Variants in NRG2 observed in about 807,000 individuals in gnomAD.
The protein encoded by NRG2 is neuregulin 2.
NRG2 carries 27 observed loss-of-function variants against 73.9 expected under a neutral mutation model. The observed-to-expected ratio is 0.37, with a 90% CI of 0.27 to 0.50. The LOEUF (loss-of-function observed/expected upper bound fraction) is 0.50. Among genes scored for constraint, NRG2 ranks in the 20% least tolerant of loss-of-function variants. The probability of loss-of-function intolerance (pLI) is 0.96; values close to 1 mark genes in which losing one functional copy is unlikely to be tolerated. For missense variants in NRG2, 1,126 were observed against 1,210.1 expected (o/e 0.93, Z 1.03); for synonymous variants, 532 against 541.0 (o/e 0.98, Z 0.23).
Position 139,853,088 on chromosome 5 carries a change from C to G in NRG2, c.1293-61G>C, listed in dbSNP as rs1761572171. Reference sequence around the variant, plus strand: ...CCCCACTCGCCAACGATGAACTTCCCTAGCTATCTCTCTAGGGAAACAGCT... The same window carrying G: ...CCCCACTCGCCAACGATGAACTTCCGTAGCTATCTCTCTAGGGAAACAGCT... On this transcript the variant is annotated intron_variant, in intron 6 of 9. Coordinates refer to ENST00000361474, the MANE Select transcript of NRG2 (RefSeq NM_004883.3). This position sits in a 1 kb window ranked among gnomAD's most constrained non-coding sequence, Gnocchi z 4.1. The G allele has an allele frequency of 1.9e-6, 3 of 1,603,856 alleles. No individual in the cohort carries two copies. The African/African-American group carries it at 4.0e-5, about 22-fold the overall frequency.
intron 3 of NRG2, among the ~76,000 whole-genome samples, chr5:139,872,651 G>A (rs928876124): frequency 6.6e-6 from 1 of 152,150 alleles, no homozygotes; most frequent in Non-Finnish European, 1.5e-5. Context: ...GGAAAGGGAA[G>A]GGGGCAGCTG....
chr5:139,899,031 C>T (rs1339758520), intron 1 of NRG2, among the ~76,000 whole-genome samples: 1 of 152,214 alleles, frequency 6.6e-6, no homozygotes, highest in African/African-American at 2.4e-5. Flanking sequence ...CTGTTCTGGG[C>T]CATCTCTTGC....
intron 1 of NRG2, among the ~76,000 whole-genome samples, chr5:139,950,332 A>G (rs916252804): frequency 7.2e-5 from 11 of 152,224 alleles, no homozygotes; most frequent in African/African-American, 2.7e-4. Flanking sequence ...GCTGGCATAC[A>G]GTGCTGGAAA....
chr5:139,933,084 G>A (rs1402445902), intron 1 of NRG2, among the ~76,000 whole-genome samples: 5 of 152,152 alleles, frequency 3.3e-5, no homozygotes, highest in Admixed American at 2.0e-4. Context: ...AGACCAGCCT[G>A]GCCAACATGG....
chr5:139,852,563 G>A lies in NRG2; in HGVS notation c.1417-4C>T. ...CTGGCACGTTCTTGGAAATATACTG[G>A]AACAGACAGAGTTGGGCGAGAGTTA... On this transcript the variant is annotated splice_polypyrimidine_tract_variant and splice_region_variant and intron_variant, in intron 7 of 9. Transcript: ENST00000361474. The surrounding 1 kb of genome is among the most constrained non-coding windows in gnomAD (Gnocchi z 4.4). 1 of 1,613,300 alleles carries A rather than the reference G, an allele frequency of 6.2e-7. No individual in the cohort carries two copies. Among genetic ancestry groups the A allele is most frequent in the Non-Finnish European group, 8.5e-7 (1 of 1,179,652 alleles).
chr5:139,884,897 A>T (rs1316690980), intron 2 of NRG2, among the ~76,000 whole-genome samples: 1 of 152,104 alleles, frequency 6.6e-6, no homozygotes, highest in Non-Finnish European at 1.5e-5. Flanking sequence ...GCCAGATAAG[A>T]AATGTGCAGG....
chr5:139,847,785 G>C lies in NRG2; in HGVS notation c.*132C>G. 1.5e-6 allele frequency: 1 copy of C among 647,524 alleles called. No homozygotes were observed. Among genetic ancestry groups the C allele is most frequent in the Non-Finnish European group, 2.2e-6 (1 of 449,816 alleles). The allele number at this position is 647,524 out of a possible 1,614,324, so 40.1% of individuals were successfully genotyped here. A position where few individuals can be genotyped will look rare whatever the true frequency, so the allele number is the denominator to read the frequency against. ...TGCTAAAATGAAAATAAAACATTTT[G>C]TTATACTTTTTTCCTTTTATAGAAA... On this transcript the variant is annotated 3_prime_UTR_variant, in exon 10 of 10. Coordinates refer to ENST00000361474, the MANE Select transcript of NRG2 (RefSeq NM_004883.3).
chr5:140,023,553 C>T (rs561484492), intron 1 of NRG2, among the ~76,000 whole-genome samples: 1 of 152,106 alleles, frequency 6.6e-6, no homozygotes, highest in African/African-American at 2.4e-5. Flanking sequence ...GTTTAATATC[C>T]CCAAATGGAC....
chr5:139,958,648 A>T (rs1754821504), intron 1 of NRG2, among the ~76,000 whole-genome samples: 1 of 152,102 alleles, frequency 6.6e-6, no homozygotes, highest in African/African-American at 2.4e-5. Context: ...ATGACCAAAT[A>T]AAAAAAATCC....
chr5:139,979,147 A>G (rs1294723239), intron 1 of NRG2, among the ~76,000 whole-genome samples: 1 of 151,926 alleles, frequency 6.6e-6, no homozygotes, highest in African/African-American at 2.4e-5. Flanking sequence ...ATGAAGAGTT[A>G]ATAGGTGCAG....
chr5:139,864,600 T>C (rs990332223), intron 5 of NRG2, among the ~76,000 whole-genome samples: 8 of 151,774 alleles, frequency 5.3e-5, no homozygotes, highest in Non-Finnish European at 1.0e-4. Flanking sequence ...CACATAAATA[T>C]CTCTGGTATT....
chr5:139,967,287 G>T (rs542085846), intron 1 of NRG2, among the ~76,000 whole-genome samples: 1 of 152,180 alleles, frequency 6.6e-6, no homozygotes, highest in South Asian at 2.1e-4. Context: ...CTGGGTACAA[G>T]GTAGATGTCC....
chr5:139,940,330 G>A (rs888565351), intron 1 of NRG2, among the ~76,000 whole-genome samples: 4 of 152,170 alleles, frequency 2.6e-5, no homozygotes, highest in Admixed American at 6.5e-5. Context: ...CTTGCCAAAA[G>A]GAACCAGACA....
At position 140,002,801 on chromosome 5, in the gene NRG2, AG is replaced by A. The variant is rs551611470; in HGVS notation, c.700+39568del. 7.2e-5 allele frequency among the ~76,000 whole-genome samples: 11 copies of A among 152,354 alleles called. No individual in the cohort carries two copies. The South Asian group carries it at 2.3e-3, about 32-fold the overall frequency. On this transcript the variant is annotated intron_variant, in intron 1 of 9. Coordinates refer to ENST00000361474, the MANE Select transcript of NRG2 (RefSeq NM_004883.3). ...GGTGGAAGCAGAGAGACCAATTTGAAGGCTATTAAAACAACTAGGCAAGAGA... is the reference window on the plus strand; with the variant it reads ...GGTGGAAGCAGAGAGACCAATTTGAAGCTATTAAAACAACTAGGCAAGAGA...
chr5:140,021,163 C>T (rs1017685964), intron 1 of NRG2, among the ~76,000 whole-genome samples: 13 of 152,208 alleles, frequency 8.5e-5, no homozygotes, highest in Non-Finnish European at 2.9e-5. Flanking sequence ...CACAATATCC[C>T]TGGTAGGTAA....
intron 1 of NRG2, among the ~76,000 whole-genome samples, chr5:140,015,167 T>A (rs571986491): frequency 6.6e-6 from 1 of 152,172 alleles, no homozygotes; most frequent in East Asian, 1.9e-4. Flanking sequence ...TTTTTTTTCT[T>A]ATAATATTTA....
chr5:139,938,656 C>T (rs1468997564), intron 1 of NRG2, among the ~76,000 whole-genome samples: 1 of 151,854 alleles, frequency 6.6e-6, no homozygotes, highest in East Asian at 1.9e-4. Context: ...CATGTACAGC[C>T]TCAAGATATA....
At chr5:139,927,705 G>A (rs970911284) in intron 1 of NRG2, among the ~76,000 whole-genome samples, 1 of 150,706 alleles carries the variant, frequency 6.6e-6, no homozygotes, top group African/African-American at 2.4e-5. Context: ...CGGAGGTTGC[G>A]GTGAGCCAAG....
At chr5:139,906,998 T>A (rs1188980527) in intron 1 of NRG2, among the ~76,000 whole-genome samples, 1 of 152,176 alleles carries the variant, frequency 6.6e-6, no homozygotes, top group Non-Finnish European at 1.5e-5. Flanking sequence ...TGTGTGCGTG[T>A]GTGTGCATGT....
Sources: allele counts gnomAD v4.1 joint callset (sites outside exome capture counted in the v4.1 genomes callset), GRCh38; gene constraint gnomAD v4.1.1; non-coding constraint Gnocchi (gnomAD v3.1); transcripts MANE v1.5; gene names NCBI Gene and HGNC (gene_info 2026-07-23, HGNC 2026-07-21).